The following PTPRT variants were observed in gnomAD, a reference collection of about 807,000 sequenced individuals.
PTPRT encodes receptor-type tyrosine-protein phosphatase T.
PTPRT carries 56 observed loss-of-function variants against 176.8 expected under a neutral mutation model. The ratio of observed to expected loss-of-function variants is 0.32; its 90% CI spans 0.26 to 0.40. The LOEUF (loss-of-function observed/expected upper bound fraction) is 0.40, where lower values mean the gene tolerates loss of function less well. PTPRT is among the 10% of genes least tolerant of loss of function. The probability of loss-of-function intolerance (pLI) is 1.00; values close to 1 mark genes in which losing one functional copy is unlikely to be tolerated. For synonymous variants in PTPRT, 783 were observed against 739.0 expected (o/e 1.06, Z -0.96); for missense variants, 1,540 against 1,908.2 (o/e 0.81, Z 3.60).
intron 1 of PTPRT, among the ~76,000 whole-genome samples, chr20:43,037,591 T>C (rs1326452133): frequency 1.3e-5 from 2 of 152,166 alleles, no homozygotes; most frequent in East Asian, 3.8e-4. Flanking sequence ...AAAGCTAAAA[T>C]TGAATACAAG....
chr20:43,169,785 C>T (rs936346795), intron 1 of PTPRT, among the ~76,000 whole-genome samples: 5 of 152,210 alleles, frequency 3.3e-5, no homozygotes, highest in Non-Finnish European at 5.9e-5. Context: ...AAGCAGCCTT[C>T]TCCCTCCTTC....
At chr20:42,170,560 A>G (rs976406948) in intron 16 of PTPRT, among the ~76,000 whole-genome samples, 19 of 152,220 alleles carry the variant, frequency 1.2e-4, no homozygotes, top group African/African-American at 4.1e-4. Flanking sequence ...TAAAATGGGC[A>G]CTGGAATCTG....
rs188864053 is a variant in PTPRT at position 42,165,404 on chromosome 20, G to A, written c.2492-3862C>T. ...GAAGGAGGGGAGAAGAAAATATAAG[G>A]TGTGCGTGAATAAGCCTAAGATAGG... On this transcript the variant is annotated intron_variant, in intron 16 of 30. Coordinates refer to ENST00000373187, the MANE Select transcript of PTPRT (RefSeq NM_007050.6). Among the ~76,000 whole-genome samples the A allele has an allele frequency of 6.6e-5, 10 of 152,304 alleles. No homozygotes were observed. In the East Asian group the frequency reaches 7.7e-4, roughly 12 times the overall value.
At chr20:42,237,140 T>C (rs917918345) in intron 14 of PTPRT, among the ~76,000 whole-genome samples, 8 of 152,188 alleles carry the variant, frequency 5.3e-5, no homozygotes, top group African/African-American at 1.2e-4. Flanking sequence ...GCTGAGACCA[T>C]TGACATTGCG....
intron 8 of PTPRT, among the ~76,000 whole-genome samples, chr20:42,468,563 T>C (rs2071139017): frequency 6.6e-6 from 1 of 152,242 alleles, no homozygotes; most frequent in Non-Finnish European, 1.5e-5. Flanking sequence ...TTATTAATGA[T>C]GTTTAATTAA....
intron 9 of PTPRT, among the ~76,000 whole-genome samples, chr20:42,358,213 TC>T (rs1387154057): frequency 1.3e-5 from 2 of 150,950 alleles, no homozygotes; most frequent in African/African-American, 4.9e-5. Context: ...TATAAAACTC[TC>T]TCTTTTTTTT....
At chr20:42,894,357 A>G (rs759796616) in intron 1 of PTPRT, among the ~76,000 whole-genome samples, 81 of 152,336 alleles carry the variant, frequency 5.3e-4, no homozygotes, top group South Asian at 1.5e-3. Flanking sequence ...CTGAGCAGAC[A>G]CAGATCCCAA....
intron 7 of PTPRT, among the ~76,000 whole-genome samples, chr20:42,584,221 A>C (rs1012861052): frequency 6.6e-6 from 1 of 152,214 alleles, no homozygotes; most frequent in African/African-American, 2.4e-5. Flanking sequence ...CTGTTGTTTT[A>C]AGCATCAACC....
intron 15 of PTPRT, among the ~76,000 whole-genome samples, chr20:42,212,176 T>C (rs1412362091): frequency 4.3e-5 from 6 of 138,922 alleles, no homozygotes; most frequent in South Asian, 5.1e-4. Flanking sequence ...AGGGATAGCA[T>C]TGGGAGATAT....
the PTPRT span, among the ~76,000 whole-genome samples, chr20:42,035,328 GA>G: frequency 6.6e-6 from 1 of 152,144 alleles, no homozygotes; most frequent in Non-Finnish European, 1.5e-5. Context: ...TAGGTAGCAA[GA>G]AGCTGAGACA....
chr20:42,744,066 C>T (rs899118688), intron 6 of PTPRT, among the ~76,000 whole-genome samples: 2 of 152,240 alleles, frequency 1.3e-5, no homozygotes, highest in Non-Finnish European at 2.9e-5. Flanking sequence ...GGACAGTTCC[C>T]ATGACCAGCT....
At position 43,189,453 on chromosome 20, in the gene PTPRT, G is replaced by A. The variant is rs2015481329; in HGVS notation, c.88+193C>T. Among the ~76,000 whole-genome samples the A allele has an allele frequency of 6.6e-6, 1 of 152,176 alleles. No homozygotes were observed. On this transcript the variant is annotated intron_variant, in intron 1 of 30. Coordinates refer to ENST00000373187, the MANE Select transcript of PTPRT (RefSeq NM_007050.6). This position sits in a 1 kb window ranked among gnomAD's most constrained non-coding sequence, Gnocchi z 5.0. ...ACGCGGGCTGCCGAGGGACGCGAGG[G>A]GCCGGGCTCGCTGGCCGGGGCGCGC...
intron 7 of PTPRT, among the ~76,000 whole-genome samples, chr20:42,584,259 A>C (rs1230948189): frequency 1.3e-5 from 2 of 152,106 alleles, no homozygotes; most frequent in Non-Finnish European, 2.9e-5. Context: ...CACAATCCTC[A>C]CAATGGCCCA....
At chr20:42,059,259 C>T in the PTPRT span, among the ~76,000 whole-genome samples, 2 of 151,988 alleles carry the variant, frequency 1.3e-5, no homozygotes, top group African/African-American at 2.4e-5. Context: ...CTCACAGGGC[C>T]GTGTGTGGAT....
chr20:42,523,123 C>G (rs566156059), intron 7 of PTPRT, among the ~76,000 whole-genome samples: 1 of 152,180 alleles, frequency 6.6e-6, no homozygotes, highest in African/African-American at 2.4e-5. Context: ...TTATCCTCTA[C>G]TGAAAATTGC....
intron 1 of PTPRT, among the ~76,000 whole-genome samples, chr20:43,128,676 A>G (rs767310320): frequency 1.3e-5 from 2 of 152,208 alleles, no homozygotes; most frequent in Non-Finnish European, 2.9e-5. Flanking sequence ...TCCTGGCCGA[A>G]TGGACTTGGG....
At chr20:42,137,297 T>G (rs6072637) in intron 18 of PTPRT, among the ~76,000 whole-genome samples, 53,730 of 151,980 alleles carry the variant, frequency 0.35, 10,265 homozygotes, top group South Asian at 0.51. Flanking sequence ...TCCCCAGGAA[T>G]CAGCAGAGAA....
At chr20:42,070,932 A>C (rs750945515), downstream of PTPRT, among the ~76,000 whole-genome samples, 8 of 151,944 alleles carry the variant, frequency 5.3e-5, no homozygotes, top group Non-Finnish European at 8.8e-5. Flanking sequence ...TTCTTTCTCC[A>C]GTGTCGTATT....
chr20:42,095,933 T>A (rs1219221731), intron 27 of PTPRT, among the ~76,000 whole-genome samples: 2 of 152,192 alleles, frequency 1.3e-5, no homozygotes, highest in Non-Finnish European at 2.9e-5. Context: ...TCATCTGCTC[T>A]TCTCGCTGCC....
Sources: gnomAD v4.1 joint callset for allele counts (sites outside exome capture counted in the v4.1 genomes callset) on GRCh38, gnomAD v4.1.1 for gene constraint, Gnocchi (gnomAD v3.1) non-coding constraint, MANE v1.5 for transcripts, NCBI Gene and HGNC (gene_info 2026-07-23, HGNC 2026-07-21) for gene names.